Variants in SHISA6 observed in about 807,000 individuals in gnomAD.
SHISA6 encodes the protein protein shisa-6.
SHISA6 carries 22 observed loss-of-function variants against 47.9 expected under a neutral mutation model. That is an observed-to-expected ratio of 0.46 (90% CI 0.33 to 0.66). The LOEUF (loss-of-function observed/expected upper bound fraction) is 0.66. Ranked by LOEUF, SHISA6 falls within the 30% of genes least tolerant of loss-of-function variation. The pLI is 0.02. For synonymous variants in SHISA6, 388 were observed against 337.8 expected (o/e 1.15, Z -1.63); for missense variants, 680 against 764.6 (o/e 0.89, Z 1.30).
intron 2 of SHISA6, among the ~76,000 whole-genome samples, chr17:11,277,280 T>TCTCTCTCACACACACACA (rs1386997909): frequency 8.7e-4 from 47 of 53,908 alleles, no homozygotes; most frequent in South Asian, 2.2e-3. Context: ...TCTCTCTCTC[T>TCTCTCTCACACACACACA]CACACACACA....
intron 3 of SHISA6, among the ~76,000 whole-genome samples, chr17:11,484,614 G>T (rs1597544277): frequency 1.3e-5 from 2 of 152,106 alleles, no homozygotes; most frequent in African/African-American, 4.8e-5. Flanking sequence ...GGCCAGGCTG[G>T]TCTTGAACTC....
intron 2 of SHISA6, chr17:11,290,486 G>T (rs1373825270): frequency 2.0e-5 from 3 of 151,754 alleles, no homozygotes; most frequent in African/African-American, 7.3e-5. Context: ...AAGTAGCTGG[G>T]ACTACAGGCG....
chr17:11,448,404 A>G (rs1915294031), intron 3 of SHISA6, among the ~76,000 whole-genome samples: 1 of 148,200 alleles, frequency 6.7e-6, no homozygotes, highest in African/African-American at 2.5e-5. Context: ...GGTGGCATGC[A>G]TGCCTGTAGT....
At chr17:11,431,084 G>A (rs1914759108) in intron 3 of SHISA6, among the ~76,000 whole-genome samples, 1 of 152,188 alleles carries the variant, frequency 6.6e-6, no homozygotes, top group Non-Finnish European at 1.5e-5. Flanking sequence ...AGATTATGAT[G>A]CCACCTGGCA....
chr17:11,499,541 T>C (rs2071433769), intron 3 of SHISA6, among the ~76,000 whole-genome samples: 1 of 152,138 alleles, frequency 6.6e-6, no homozygotes, highest in Admixed American at 6.5e-5. Flanking sequence ...ATAGGCTACT[T>C]TATGCTAAAG....
At chr17:11,311,584 A>T (rs1407392917) in intron 2 of SHISA6, among the ~76,000 whole-genome samples, 1 of 152,146 alleles carries the variant, frequency 6.6e-6, no homozygotes, top group Non-Finnish European at 1.5e-5. Flanking sequence ...GTGGGGGAAC[A>T]AATTTGGAAA....
At chr17:11,331,921 G>A (rs1226282209) in intron 2 of SHISA6, among the ~76,000 whole-genome samples, 1 of 152,050 alleles carries the variant, frequency 6.6e-6, no homozygotes, top group Non-Finnish European at 1.5e-5. Flanking sequence ...TCCTCACTCT[G>A]TGGCTCTGTG....
chr17:11,279,779 A>G (rs139891674), intron 2 of SHISA6, among the ~76,000 whole-genome samples: 131 of 150,104 alleles, frequency 8.7e-4, no homozygotes, highest in African/African-American at 3.1e-3. Context: ...GGTCACTGTC[A>G]CCAAGAATAG....
At chr17:11,414,861 G>A (rs1914233117) in intron 3 of SHISA6, among the ~76,000 whole-genome samples, 2 of 152,272 alleles carry the variant, frequency 1.3e-5, no homozygotes, top group South Asian at 4.2e-4. Context: ...GCCCAGGCGG[G>A]TGAATCATGA....
chr17:11,351,194 G>A lies in SHISA6; in HGVS notation c.800-28220G>A, dbSNP rs181508549. 3.5e-4 allele frequency among the ~76,000 whole-genome samples: 53 copies of A among 152,218 alleles called. 1 individual carries two copies. Among genetic ancestry groups the A allele is most frequent in the African/African-American group, 5.1e-4 (21 of 41,512 alleles). ...ATTAAGAGAAATGTGTAAGGCATGC[G>A]GGGCTTAATACCTAGATGATGGTTT... On this transcript the variant is annotated intron_variant, in intron 2 of 5. Coordinates refer to ENST00000441885, the MANE Select transcript of SHISA6 (RefSeq NM_207386.4).
chr17:11,355,639 C>T (rs12325823), intron 2 of SHISA6, among the ~76,000 whole-genome samples: 1 of 152,148 alleles, frequency 6.6e-6, no homozygotes, highest in Admixed American at 6.5e-5. Flanking sequence ...ACACACTGAT[C>T]TCTGCTTTTC....
intron 2 of SHISA6, among the ~76,000 whole-genome samples, chr17:11,279,699 T>C (rs1909053787): frequency 6.6e-6 from 1 of 152,050 alleles, no homozygotes; most frequent in South Asian, 2.1e-4. Flanking sequence ...GCTTATAAGA[T>C]AGGTTCTCCC....
At chr17:11,541,554 T>C (rs933824174) in intron 3 of SHISA6, among the ~76,000 whole-genome samples, 1 of 152,242 alleles carries the variant, frequency 6.6e-6, no homozygotes, top group African/African-American at 2.4e-5. Context: ...AAAGGAACTT[T>C]AGAACCTATT....
intron 2 of SHISA6, among the ~76,000 whole-genome samples, chr17:11,365,357 A>C (rs1355594460): frequency 6.6e-6 from 1 of 152,094 alleles, no homozygotes; most frequent in East Asian, 1.9e-4. Flanking sequence ...GGCTCACTGC[A>C]ACCTCTGCCT....
chr17:11,457,062 G>A (rs138998751), intron 3 of SHISA6, among the ~76,000 whole-genome samples: 2 of 152,156 alleles, frequency 1.3e-5, no homozygotes, highest in Non-Finnish European at 2.9e-5. Flanking sequence ...AAAGAAGTCA[G>A]TCCCCCTTGT....
chr17:11,378,868 G>A (rs1157961359), intron 2 of SHISA6, among the ~76,000 whole-genome samples: 1 of 152,120 alleles, frequency 6.6e-6, no homozygotes, highest in Non-Finnish European at 1.5e-5. Context: ...ACAGGTTGTG[G>A]TATGATTCAT....
chr17:11,356,142 G>A (rs1265257893), intron 2 of SHISA6, among the ~76,000 whole-genome samples: 4 of 152,182 alleles, frequency 2.6e-5, no homozygotes, highest in Non-Finnish European at 4.4e-5. Context: ...AGCAAATGAG[G>A]CATGCATTGT....
At chr17:11,302,778 G>T (rs1168554939) in intron 2 of SHISA6, among the ~76,000 whole-genome samples, 1 of 151,978 alleles carries the variant, frequency 6.6e-6, no homozygotes, top group African/African-American at 2.4e-5. Flanking sequence ...CCGAAGGGTT[G>T]CAGCTCTCAG....
intron 2 of SHISA6, among the ~76,000 whole-genome samples, chr17:11,284,426 A>G (rs569574237): frequency 6.6e-6 from 1 of 152,132 alleles, no homozygotes; most frequent in African/African-American, 2.4e-5. Context: ...CTTTTTATCT[A>G]CATTCCAGGC....
Sources: gnomAD v4.1 joint callset for allele counts (sites outside exome capture counted in the v4.1 genomes callset) on GRCh38, gnomAD v4.1.1 for gene constraint, MANE v1.5 for transcripts, NCBI Gene and HGNC (gene_info 2026-07-23, HGNC 2026-07-21) for gene names.